PEX7: variants seen among roughly 807,000 people sequenced by gnomAD.
PEX7 encodes PTS2 receptor.
Under a neutral mutation model 47.5 loss-of-function variants are expected in PEX7, and 34 were observed. The observed-to-expected ratio is 0.72, with a 90% confidence interval of 0.54 to 0.95. The LOEUF is 0.95. Ranked by LOEUF, PEX7 falls within the 40% of genes least tolerant of loss-of-function variation. PEX7 has a pLI of 0.00. For missense variants in PEX7, 394 were observed against 400.3 expected, an observed-to-expected ratio of 0.98 and a Z score of 0.13; for synonymous variants, 141 against 148.8, an observed-to-expected ratio of 0.95 and a Z score of 0.38.
At chr6:136,866,866 C>T in intron 6 of PEX7, 133 bp downstream of exon 6, 1 of 765,550 alleles carries the variant, frequency 1.3e-6, no homozygotes, top group Non-Finnish European at 2.2e-6. Context: ...CCTTTCCTTT[C>T]TAATTAATGA....
At chr6:136,841,782 C>T (rs1258815746) in intron 3 of PEX7, among the ~76,000 whole-genome samples, 4 of 151,868 alleles carry the variant, frequency 2.6e-5, no homozygotes, top group Non-Finnish European at 5.9e-5. Context: ...ACGGGGGTCT[C>T]GCCATATTTT....
intron 5 of PEX7, among the ~76,000 whole-genome samples, chr6:136,862,074 T>TATATATATTATATATATATA (rs1774976656): frequency 6.9e-6 from 1 of 144,156 alleles, no homozygotes; most frequent in Non-Finnish European, 1.5e-5. Context: ...ATATATAGTT[T>TATATATATTATATATATATA]TTTTTTTGGG....
chr6:136,911,962 A>G (rs980599294), intron 9 of PEX7, among the ~76,000 whole-genome samples: 1 of 152,118 alleles, frequency 6.6e-6, no homozygotes, highest in Non-Finnish European at 1.5e-5. Context: ...GGTGTTGTCA[A>G]TCTTTAATTT....
intron 5 of PEX7, among the ~76,000 whole-genome samples, chr6:136,862,363 C>A (rs1008126654): frequency 5.3e-5 from 8 of 151,824 alleles, no homozygotes; most frequent in African/African-American, 1.7e-4. Flanking sequence ...CAGGCATGAG[C>A]CACTGTGCCT....
At chr6:136,842,814 G>A (rs1009850720) in intron 3 of PEX7, among the ~76,000 whole-genome samples, 1 of 152,202 alleles carries the variant, frequency 6.6e-6, no homozygotes, top group African/African-American at 2.4e-5. Flanking sequence ...AGAAGTAGGT[G>A]TGAGCTGCTG....
rs886061119 is a variant in PEX7 at position 136,822,806 on chromosome 6, G to A, written c.130+11G>A. 89 of 1,286,290 alleles carry A rather than the reference G, an allele frequency of 6.9e-5. No homozygotes were observed. Among genetic ancestry groups the A allele is most frequent in the Admixed American group, 2.1e-4 (5 of 23,494 alleles). The allele number at this position is 1,286,290 out of a possible 1,614,324, so 79.7% of individuals were successfully genotyped here. ...ACTACGGCATCGCGGGTGAGGCGGC[G>A]CCGCGCAGCTGGGGCCGGGGGGCGG... On this transcript the variant is annotated intron_variant, in intron 1 of 9. Coordinates refer to ENST00000318471, the MANE Select transcript of PEX7 (RefSeq NM_000288.4).
intron 3 of PEX7, among the ~76,000 whole-genome samples, chr6:136,843,212 C>G (rs1774533977): frequency 6.6e-6 from 1 of 152,194 alleles, no homozygotes; most frequent in African/African-American, 2.4e-5. Context: ...GGACAAGTTA[C>G]TTAACCTCTC....
At chr6:136,865,000 A>G (rs1403069772) in intron 5 of PEX7, among the ~76,000 whole-genome samples, 1 of 152,174 alleles carries the variant, frequency 6.6e-6, no homozygotes, top group Non-Finnish European at 1.5e-5. Flanking sequence ...TGAGGTAGGT[A>G]TATATATTCT....
intron 9 of PEX7, among the ~76,000 whole-genome samples, chr6:136,909,092 G>A (rs1021416018): frequency 6.6e-6 from 1 of 152,150 alleles, no homozygotes; most frequent in African/African-American, 2.4e-5. Flanking sequence ...AAGATCTGTG[G>A]AGCCAGAGAC....
At chr6:136,837,488 C>G (rs371246413) in intron 3 of PEX7, among the ~76,000 whole-genome samples, 1 of 151,584 alleles carries the variant, frequency 6.6e-6, no homozygotes, top group East Asian at 1.9e-4. Context: ...TTTTCTCTGT[C>G]TAAAAAAAGT....
At chr6:136,876,517 G>A (rs959286132) in intron 8 of PEX7, among the ~76,000 whole-genome samples, 1 of 151,922 alleles carries the variant, frequency 6.6e-6, no homozygotes, top group African/African-American at 2.4e-5. Context: ...AGGCCCCAAT[G>A]TGTGGTGTTC....
intron 9 of PEX7, among the ~76,000 whole-genome samples, chr6:136,899,831 T>G (rs1184618559): frequency 1.3e-5 from 2 of 152,238 alleles, no homozygotes; most frequent in African/African-American, 4.8e-5. Flanking sequence ...GAAATGGCAT[T>G]TTTTCAGCAT....
chr6:136,839,966 C>A (rs901513856), intron 3 of PEX7, among the ~76,000 whole-genome samples: 1 of 151,908 alleles, frequency 6.6e-6, no homozygotes, highest in Admixed American at 6.6e-5. Context: ...GGGGAAGGGG[C>A]AGGGAGGGCA....
At chr6:136,824,927 CCT>C (rs911126680) in intron 1 of PEX7, among the ~76,000 whole-genome samples, 4 of 152,170 alleles carry the variant, frequency 2.6e-5, no homozygotes, top group African/African-American at 7.2e-5. Context: ...ATTTCACCCC[CCT>C]GTTAGGTCCA....
intron 9 of PEX7, among the ~76,000 whole-genome samples, chr6:136,906,499 T>C (rs1181343984): frequency 6.6e-6 from 1 of 150,516 alleles, no homozygotes; most frequent in Non-Finnish European, 1.5e-5. Context: ...TGTGTGTGCA[T>C]GTGTGTGTGT....
intron 3 of PEX7, among the ~76,000 whole-genome samples, chr6:136,845,043 A>T (rs1218530385): frequency 6.6e-6 from 1 of 152,250 alleles, no homozygotes; most frequent in Admixed American, 6.5e-5. Context: ...AAAATGAAAG[A>T]ATGAAAACAT....
At chr6:136,898,001 T>G in intron 8 of PEX7, 141 bp from the exon 9 acceptor site, 1 of 631,648 alleles carries the variant, frequency 1.6e-6, no homozygotes. Context: ...TACGTAGGGC[T>G]TAATAGTGGG....
At chr6:136,857,032 T>C (rs150843332) in intron 5 of PEX7, among the ~76,000 whole-genome samples, 49 of 152,356 alleles carry the variant, frequency 3.2e-4, no homozygotes, top group Middle Eastern at 3.4e-3. Flanking sequence ...TTAGTCTACT[T>C]AGTACTTTTT....
intron 5 of PEX7, among the ~76,000 whole-genome samples, chr6:136,862,034 T>A (rs916675462): frequency 1.4e-5 from 2 of 143,660 alleles, no homozygotes; most frequent in South Asian, 2.1e-4. Context: ...TATATATATT[T>A]TATATATATT....
Sources: gnomAD v4.1 joint callset for allele counts (sites outside exome capture counted in the v4.1 genomes callset) on GRCh38, gnomAD v4.1.1 for gene constraint, MANE v1.5 for transcripts, NCBI Gene and HGNC (gene_info 2026-07-23, HGNC 2026-07-21) for gene names.